CREG2: variants seen among roughly 807,000 people sequenced by gnomAD.
The protein encoded by CREG2 is cellular repressor of E1A stimulated genes 2.
In CREG2, 24 loss-of-function variants were observed where a neutral mutation model predicts 26.2. The observed-to-expected ratio is 0.92, with a 90% CI of 0.66 to 1.29. The LOEUF (loss-of-function observed/expected upper bound fraction) is 1.29, where lower values mean the gene tolerates loss of function less well. Ranked by LOEUF, CREG2 falls within the 50% of genes most tolerant of loss-of-function variation. The pLI, the probability that CREG2 is intolerant of heterozygous loss-of-function variation, is 0.00. For missense variants in CREG2, 366 were observed against 398.6 expected (o/e 0.92, Z 0.70); for synonymous variants, 174 against 169.2 (o/e 1.03, Z -0.22).
intron 1 of CREG2, among the ~76,000 whole-genome samples, chr2:101,383,925 T>C (rs1183368542): frequency 6.6e-6 from 1 of 152,206 alleles, no homozygotes; most frequent in Admixed American, 6.5e-5. Flanking sequence ...TACTCAGCAG[T>C]GGCATCCTGT....
chr2:101,362,824 C>A (rs1438057564), intron 2 of CREG2, among the ~76,000 whole-genome samples: 1 of 152,188 alleles, frequency 6.6e-6, no homozygotes, highest in African/African-American at 2.4e-5. Context: ...CAAGAGGATT[C>A]AGGTCTCAAG....
At chr2:101,356,436 A>G (rs191241808) in intron 2 of CREG2, among the ~76,000 whole-genome samples, 1 of 152,358 alleles carries the variant, frequency 6.6e-6, no homozygotes, top group African/African-American at 2.4e-5. Context: ...ACAATGTTTC[A>G]GTTCTGTTGT....
At position 101,387,371 on chromosome 2, in the gene CREG2, G is replaced by A. The variant is rs1309589282; in HGVS notation, c.87C>T (p.Ala29=). 6.8e-7 allele frequency: 1 copy of A among 1,472,350 alleles called. No individual in the cohort carries two copies. Among genetic ancestry groups the A allele is most frequent in the Admixed American group, 2.2e-5 (1 of 45,128 alleles). 91.2% of individuals were successfully genotyped at this position (1,472,350 alleles called of 1,614,324 possible). The change falls in exon 1 of 4, where the codon GCC becomes GCT. Residue 29 remains alanine (A), a synonymous_variant. Coordinates refer to ENST00000324768, the MANE Select transcript of CREG2 (RefSeq NM_153836.4). This position sits in a 1 kb window ranked among gnomAD's most constrained non-coding sequence, Gnocchi z 4.7. ...CGGAGCTCACGATCACGTAGCCCGC[G>A]GCCGGGGACAGCAGGGCGCTGCAGC... ...LLCCSALLSP[A]AGYVIVSSVS...
rs2104466685 is a variant in CREG2 at position 101,349,346 on chromosome 2, T to C, written c.*1577A>G. 6.5e-6 allele frequency: 1 copy of C among 152,762 alleles called. No individual in the cohort carries two copies. The highest frequency in any genetic ancestry group is 1.9e-4 in the East Asian group (1 of 5,188). The allele number at this position is 152,762 out of a possible 1,614,324, so 9.5% of individuals were successfully genotyped here. ...GACAAATAAAGAATTCTCTGCATCT[T>C]ACTATGTTTTTAGCAATAGATAATT... On this transcript the variant is annotated 3_prime_UTR_variant, in exon 4 of 4. Transcript: ENST00000324768.
rs184491081 is a variant in CREG2, at chr2:101,383,054, A to G, written c.611+479T>C. On this transcript the variant is annotated intron_variant, in intron 2 of 3. Coordinates refer to ENST00000324768, the MANE Select transcript of CREG2 (RefSeq NM_153836.4). ...GAGCTTTTGAAAAAGTGAATTAAAA[A>G]ATGCTGGCTCCTTATTGCACATATC... 958 of 939,028 alleles carry G rather than the reference A, an allele frequency of 1.0e-3. 2 individuals are homozygous for G. The highest frequency in any genetic ancestry group is 1.2e-3 in the Non-Finnish European group (927 of 787,410). The allele number at this position is 939,028 out of a possible 1,614,324, so 58.2% of individuals were successfully genotyped here. A position where few individuals can be genotyped will look rare whatever the true frequency, so the allele number is the denominator to read the frequency against.
At chr2:101,363,470 C>A (rs115120496) in intron 2 of CREG2, among the ~76,000 whole-genome samples, 2 of 152,028 alleles carry the variant, frequency 1.3e-5, no homozygotes, top group African/African-American at 4.8e-5. Context: ...ACAAGGGATG[C>A]GTTTTTCTAA....
rs528009235 is a variant in CREG2, at chr2:101,346,970, T to C, written c.*3953A>G. The C allele has an allele frequency of 4.7e-4, 72 of 152,364 alleles. No individual in the cohort carries two copies. Among genetic ancestry groups the C allele is most frequent in the African/African-American group, 1.6e-3 (68 of 41,580 alleles). 9.4% of individuals were successfully genotyped at this position (152,364 alleles called of 1,614,324 possible). On this transcript the variant is annotated 3_prime_UTR_variant, in exon 4 of 4. Transcript: ENST00000324768. ...CTCTTGTGCTATCCTTTTATAGTTA[T>C]GCCCAACTCTCTTGTTCTCCCCACT...
At chr2:101,385,463 G>C (rs1684955342) in intron 1 of CREG2, among the ~76,000 whole-genome samples, 1 of 152,172 alleles carries the variant, frequency 6.6e-6, no homozygotes, top group Non-Finnish European at 1.5e-5. Context: ...TTACAGGTGT[G>C]AGCCACGACG....
chr2:101,384,796 G>A (rs1684938826), intron 1 of CREG2, among the ~76,000 whole-genome samples: 1 of 152,190 alleles, frequency 6.6e-6, no homozygotes, highest in Admixed American at 6.5e-5. Flanking sequence ...AGGAGTTTGA[G>A]GCAGCAGTGA....
chr2:101,372,361 C>T (rs932872146), intron 2 of CREG2, among the ~76,000 whole-genome samples: 4 of 152,190 alleles, frequency 2.6e-5, no homozygotes, highest in Non-Finnish European at 5.9e-5. Context: ...ATATTTAATA[C>T]GTTGTCTTGT....
At chr2:101,367,209 A>G (rs556238687) in intron 2 of CREG2, among the ~76,000 whole-genome samples, 91 of 152,270 alleles carry the variant, frequency 6.0e-4, no homozygotes, top group African/African-American at 2.1e-3. Flanking sequence ...ATGGCACCAG[A>G]AAAGGGGGGA....
intron 2 of CREG2, among the ~76,000 whole-genome samples, chr2:101,356,840 T>C (rs1197804229): frequency 6.6e-6 from 1 of 152,146 alleles, no homozygotes; most frequent in African/African-American, 2.4e-5. Context: ...TCCTAAGACT[T>C]GTTTCCACTG....
intron 2 of CREG2, among the ~76,000 whole-genome samples, chr2:101,367,479 A>T (rs1684635679): frequency 1.3e-5 from 2 of 152,208 alleles, no homozygotes; most frequent in South Asian, 2.1e-4. Flanking sequence ...GACACCTCTA[A>T]CATACCAAAG....
intron 2 of CREG2, chr2:101,383,028 A>G: frequency 1.0e-6 from 1 of 985,220 alleles, no homozygotes; most frequent in Non-Finnish European, 1.2e-6. Context: ...TTTCTTTCAG[A>G]GAGCTTTTGA....
chr2:101,383,555 C>G lies in CREG2; in HGVS notation c.589G>C (p.Glu197Gln). Residue 197 changes from glutamate to glutamine, a missense_variant, in exon 2 of 4, where the codon GAA becomes CAA. Transcript: ENST00000324768. ...TACCTGCAGAACTCCCCTTCTGATTCTGGCAGCATCAGCGAGGCCATGGGG... is the reference window on the plus strand; with the variant it reads ...TACCTGCAGAACTCCCCTTCTGATTGTGGCAGCATCAGCGAGGCCATGGGG... ...KNPMASLMLP[E>Q]SEGEFCRKNI... The G allele has an allele frequency of 6.2e-7, 1 of 1,614,120 alleles. No individual in the cohort carries two copies. Among genetic ancestry groups the G allele is most frequent in the East Asian group, 2.2e-5 (1 of 44,890 alleles).
intron 2 of CREG2, among the ~76,000 whole-genome samples, chr2:101,378,373 C>T (rs1684821262): frequency 6.6e-6 from 1 of 152,140 alleles, no homozygotes; most frequent in South Asian, 2.1e-4. Context: ...GCAGCGTTAG[C>T]ATCACTTGGG....
intron 2 of CREG2, among the ~76,000 whole-genome samples, chr2:101,378,790 C>T (rs1009364343): frequency 1.3e-5 from 2 of 151,952 alleles, no homozygotes; most frequent in Non-Finnish European, 2.9e-5. Flanking sequence ...GGGGGGATCA[C>T]GAGGTCAGGA....
At chr2:101,383,109 A>G (rs1338467016) in intron 2 of CREG2, 2 of 570,076 alleles carry the variant, frequency 3.5e-6, no homozygotes, top group East Asian at 1.4e-4. Context: ...TAAATTGGAA[A>G]GACAATATAT....
intron 2 of CREG2, 75 bp downstream of exon 2, chr2:101,383,458 A>G: frequency 6.9e-7 from 1 of 1,447,190 alleles, no homozygotes; most frequent in Non-Finnish European, 9.6e-7. Context: ...CATGTGACCC[A>G]GAGAGAAACC....
Sources: allele counts gnomAD v4.1 joint callset (sites outside exome capture counted in the v4.1 genomes callset), GRCh38; gene constraint gnomAD v4.1.1; non-coding constraint Gnocchi (gnomAD v3.1); transcripts MANE v1.5; gene names NCBI Gene and HGNC (gene_info 2026-07-23, HGNC 2026-07-21).